The following ZBTB47 variants were observed in gnomAD, a reference collection of about 807,000 sequenced individuals.
ZBTB47 encodes the protein zinc finger and BTB domain containing 47.
Under a neutral mutation model 56.6 loss-of-function variants are expected in ZBTB47, and 24 were observed. The ratio of observed to expected loss-of-function variants is 0.42; its 90% CI spans 0.31 to 0.60. The LOEUF (loss-of-function observed/expected upper bound fraction) is 0.60. Among genes scored for constraint, ZBTB47 ranks in the 20% least tolerant of loss-of-function variants. ZBTB47 has a pLI of 0.14. For synonymous variants in ZBTB47, 414 were observed against 418.9 expected (o/e 0.99, Z 0.14); for missense variants, 829 against 1,032.6 (o/e 0.80, Z 2.70).
In ZBTB47 at chr3:42,659,723, T is replaced by C. The variant is rs781727920; in HGVS notation, c.1368T>C (p.Asn456=). The C allele has an allele frequency of 2.5e-6, 4 of 1,613,890 alleles. No homozygotes were observed. Among genetic ancestry groups the C allele is most frequent in the Admixed American group, 1.7e-5 (1 of 59,992 alleles). ...NNRWYLEKHM[N]VTHSRMQICD... ...GCTGGTACCTGGAGAAACACATGAA[T>C]GTGACCCACAGCCGCATGCAGATCT... is the stretch of plus-strand genomic sequence containing the variant. The change falls in exon 2 of 6, where the codon AAT becomes AAC. Residue 456 remains asparagine (N), a synonymous_variant. Coordinates refer to ENST00000232974, the MANE Select transcript of ZBTB47 (RefSeq NM_145166.4).
intron 2 of ZBTB47, among the ~76,000 whole-genome samples, chr3:42,660,779 GC>G (rs1427177062): frequency 6.6e-6 from 1 of 152,140 alleles, no homozygotes; most frequent in Non-Finnish European, 1.5e-5. Context: ...TAACTGCTGC[GC>G]ACCTGAGTCT....
chr3:42,664,746 C>G lies in ZBTB47; in HGVS notation c.*148C>G, dbSNP rs1260682071. ...GCTGGATGTACCCTGCCTGAGGCCC[C>G]GACGAGGAGGGGTATGCAGGCTGGC... On this transcript the variant is annotated 3_prime_UTR_variant, in exon 6 of 6. Coordinates refer to ENST00000232974, the MANE Select transcript of ZBTB47 (RefSeq NM_145166.4). 15 of 958,026 alleles carry G rather than the reference C, an allele frequency of 1.6e-5. No homozygotes were observed. Among genetic ancestry groups the G allele is most frequent in the Non-Finnish European group, 8.3e-6 (6 of 725,630 alleles). 59.3% of individuals were successfully genotyped at this position (958,026 alleles called of 1,614,324 possible). A position where few individuals can be genotyped will look rare whatever the true frequency, so the allele number is the denominator to read the frequency against.
intron 5 of ZBTB47, 89 bp from the exon 6 acceptor site, chr3:42,664,148 A>C: frequency 1.3e-6 from 2 of 1,546,912 alleles, no homozygotes; most frequent in Middle Eastern, 1.9e-4. Flanking sequence ...GCTGGGCCCC[A>C]CTATGGCTCC....
rs1000472013 is a variant in ZBTB47 at position 42,663,391 on chromosome 3, A to G, written c.1737+264A>G. 2.0e-5 allele frequency among the ~76,000 whole-genome samples: 3 copies of G among 151,984 alleles called. No homozygotes were observed. Among genetic ancestry groups the G allele is most frequent in the East Asian group, 1.9e-4 (1 of 5,174 alleles). ...GGAAGTGTGTGTGGGCTACAGCCCT[A>G]GGAGCAGGCTTTCTGGGGAGGCAGA... On this transcript the variant is annotated intron_variant, in intron 4 of 5. Coordinates refer to ENST00000232974, the MANE Select transcript of ZBTB47 (RefSeq NM_145166.4). This position sits in a 1 kb window ranked among gnomAD's most constrained non-coding sequence, Gnocchi z 5.1.
Position 42,658,361 on chromosome 3 carries a change from C to G in ZBTB47, c.6C>G (p.Gly2=). M[G]RLNEQRLFQP... ...CGCTGCACTTTGCCTGCTTGATGGG[C>G]CGCCTGAACGAGCAGCGCCTCTTCC... The change falls in exon 2 of 6, where the codon GGC becomes GGG. Residue 2 remains glycine, a synonymous_variant. Transcript: ENST00000232974. 1 of 1,532,152 alleles carries G rather than the reference C, an allele frequency of 6.5e-7. No individual in the cohort carries two copies. The highest frequency in any genetic ancestry group is 8.7e-7 in the Non-Finnish European group (1 of 1,143,850). The allele number at this position is 1,532,152 out of a possible 1,614,324, so 94.9% of individuals were successfully genotyped here.
In ZBTB47 at chr3:42,654,854, C is replaced by A. The variant is rs1710619107; in HGVS notation, c.-82+971C>A. ...TGCTGGGTCCCGCGGGCCGGGAATG[C>A]GGCGCTGTGGCGCTGCTCTCGGTGG... On this transcript the variant is annotated intron_variant, in intron 1 of 5. Coordinates refer to ENST00000232974, the MANE Select transcript of ZBTB47 (RefSeq NM_145166.4). This position sits in a 1 kb window ranked among gnomAD's most constrained non-coding sequence, Gnocchi z 5.0. 6.6e-6 allele frequency among the ~76,000 whole-genome samples: 1 copy of A among 151,978 alleles called. No homozygotes were observed. Among genetic ancestry groups the A allele is most frequent in the Non-Finnish European group, 1.5e-5 (1 of 67,962 alleles).
rs946757329 is a variant in ZBTB47, at chr3:42,654,322, T to C, written c.-82+439T>C. 1 of 112,518 alleles carries C rather than the reference T, an allele frequency of 8.9e-6. No homozygotes were observed. Among genetic ancestry groups the C allele is most frequent in the African/African-American group, 3.3e-5 (1 of 29,914 alleles). 7.0% of individuals were successfully genotyped at this position (112,518 alleles called of 1,614,324 possible). A position where few individuals can be genotyped will look rare whatever the true frequency, so the allele number is the denominator to read the frequency against. On this transcript the variant is annotated intron_variant, in intron 1 of 5. Coordinates refer to ENST00000232974, the MANE Select transcript of ZBTB47 (RefSeq NM_145166.4). The surrounding 1 kb of genome is among the most constrained non-coding windows in gnomAD (Gnocchi z 5.0). The stretch of plus-strand genomic sequence containing the variant: ...TGGGGGCTGGAGCTGGGGCTGGGGG[T>C]GGAGGGCAGCCTGCGGCAGGGCGGG...
Position 42,664,519 on chromosome 3 carries a change from C to T in ZBTB47, c.2165C>T (p.Pro722Leu), listed in dbSNP as rs992094482. 1 of 1,415,204 alleles carries T rather than the reference C, an allele frequency of 7.1e-7. No individual in the cohort carries two copies. Among genetic ancestry groups the T allele is most frequent in the Admixed American group, 3.2e-5 (1 of 31,310 alleles). 87.7% of individuals were successfully genotyped at this position (1,415,204 alleles called of 1,614,324 possible). Residue 722 changes from proline to leucine, a missense_variant, in exon 6 of 6, where the codon CCC becomes CTC. Coordinates refer to ENST00000232974, the MANE Select transcript of ZBTB47 (RefSeq NM_145166.4). Reference protein sequence around the residue: ...LLPGLPQTLPPPPHLPPPPPL... With the variant: ...LLPGLPQTLPLPPHLPPPPPL... ...CCGGGGCTGCCCCAGACCCTGCCGC[C>T]CCCGCCCCACCTGCCGCCCCCGCCT...
At chr3:42,655,380 G>A (rs1444653447) in intron 1 of ZBTB47, among the ~76,000 whole-genome samples, 1 of 152,182 alleles carries the variant, frequency 6.6e-6, no homozygotes, top group Non-Finnish European at 1.5e-5. Flanking sequence ...GAGGCTCTGA[G>A]GCAGGGTAGA....
rs1271214301 is a variant in ZBTB47, at chr3:42,659,846, G to A, written c.1473+18G>A. On this transcript the variant is annotated intron_variant, in intron 2 of 5. Coordinates refer to ENST00000232974, the MANE Select transcript of ZBTB47 (RefSeq NM_145166.4). ...ACATCCAGGTGGGCCTCACGTGGCT[G>A]GGGGCAGGGCAGAGGCTGTCCAGGT... The A allele has an allele frequency of 1.3e-6, 2 of 1,583,246 alleles. No homozygotes were observed. The highest frequency in any genetic ancestry group is 1.7e-6 in the Non-Finnish European group (2 of 1,163,360).
In ZBTB47 at chr3:42,661,535, T is replaced by C; in HGVS notation, c.1524T>C (p.His508=). 1 of 1,614,030 alleles carries C rather than the reference T, an allele frequency of 6.2e-7. No homozygotes were observed. Among genetic ancestry groups the C allele is most frequent in the Non-Finnish European group, 8.5e-7 (1 of 1,179,890 alleles). The part of the protein sequence containing the change: ...AFKKLWSLHE[H]NKIVHGYAEK... ...AGAAGCTTTGGTCCCTCCATGAGCA[T>C]AACAAGATTGTGCACGGCTACGCAG... The change falls in exon 3 of 6, where the codon CAT becomes CAC. Residue 508 remains histidine (H), a synonymous_variant. Transcript: ENST00000232974.
Position 42,664,845 on chromosome 3 carries a change from T to G in ZBTB47, c.*247T>G, listed in dbSNP as rs1428348186. 6 of 340,746 alleles carry G rather than the reference T, an allele frequency of 1.8e-5. No homozygotes were observed. In the South Asian group the frequency reaches 8.8e-4, roughly 50 times the overall value. The allele number at this position is 340,746 out of a possible 1,614,324, so 21.1% of individuals were successfully genotyped here. ...TCTGTGACTCCTTGAAGCCTTTACT[T>G]TTTTTTTTTTTTGGAAGTGAAGGAA... On this transcript the variant is annotated 3_prime_UTR_variant, in exon 6 of 6. Transcript: ENST00000232974.
chr3:42,663,323 T>A lies in ZBTB47; in HGVS notation c.1737+196T>A, dbSNP rs181067552. Among the ~76,000 whole-genome samples, 34 of 151,952 alleles carry A rather than the reference T, an allele frequency of 2.2e-4. No homozygotes were observed. Among genetic ancestry groups the A allele is most frequent in the African/African-American group, 7.7e-4 (32 of 41,484 alleles). ...CCTACTCTTCTCTGGCCCACTCCCA[T>A]CCTGCCCTTCCTTCCCCAACCCAGC... On this transcript the variant is annotated intron_variant, in intron 4 of 5. Transcript: ENST00000232974. This position sits in a 1 kb window ranked among gnomAD's most constrained non-coding sequence, Gnocchi z 5.1.
In ZBTB47 at chr3:42,667,550, A is replaced by T. The variant is rs549086583; in HGVS notation, c.*2952A>T. Among the ~76,000 whole-genome samples, 1 of 152,308 alleles carries T rather than the reference A, an allele frequency of 6.6e-6. No individual in the cohort carries two copies. Among genetic ancestry groups the T allele is most frequent in the Non-Finnish European group, 1.5e-5 (1 of 68,026 alleles). On this transcript the variant is annotated 3_prime_UTR_variant, in exon 6 of 6. Transcript: ENST00000232974. Reference sequence around the variant, plus strand: ...GCACAGCAGGCATGCGAGTGAGAGGATGAAGGGGAATAAAGTCAGTACAAC... The same window carrying T: ...GCACAGCAGGCATGCGAGTGAGAGGTTGAAGGGGAATAAAGTCAGTACAAC...
At position 42,658,712 on chromosome 3, in the gene ZBTB47, G is replaced by T; in HGVS notation, c.357G>T (p.Pro119=). 6.5e-7 allele frequency: 1 copy of T among 1,535,224 alleles called. No individual in the cohort carries two copies. Among genetic ancestry groups the T allele is most frequent in the South Asian group, 1.2e-5 (1 of 83,902 alleles). The change falls in exon 2 of 6, where the codon CCG becomes CCT. Residue 119 remains proline, a synonymous_variant. Coordinates refer to ENST00000232974, the MANE Select transcript of ZBTB47 (RefSeq NM_145166.4). The part of the protein sequence containing the change: ...LDARSLGPPG[P]GTVALAQPAA... ...CCCGCTCTCTAGGCCCACCAGGTCC[G>T]GGCACTGTGGCCCTGGCCCAGCCGG...
Position 42,656,936 on chromosome 3 carries a change from T to A in ZBTB47, c.-81-1339T>A, listed in dbSNP as rs1239979787. Among the ~76,000 whole-genome samples, 4 of 152,138 alleles carry A rather than the reference T, an allele frequency of 2.6e-5. No individual in the cohort carries two copies. The highest frequency in any genetic ancestry group is 9.7e-5 in the African/African-American group (4 of 41,434). The stretch of plus-strand genomic sequence containing the variant: ...GACAGCTATGGAGCTGATGGTTTTG[T>A]GGCCATCAAAATATTGTGGCAAGGT... On this transcript the variant is annotated intron_variant, in intron 1 of 5. Coordinates refer to ENST00000232974, the MANE Select transcript of ZBTB47 (RefSeq NM_145166.4). This position sits in a 1 kb window ranked among gnomAD's most constrained non-coding sequence, Gnocchi z 5.8.
intron 3 of ZBTB47, among the ~76,000 whole-genome samples, chr3:42,662,138 T>C (rs902236039): frequency 1.3e-5 from 2 of 152,142 alleles, no homozygotes; most frequent in African/African-American, 4.8e-5. Flanking sequence ...CAATTGTGTG[T>C]TTTGGCCACG....
chr3:42,662,905 G>A, intron 3 of ZBTB47, 107 bp from the exon 4 acceptor site: 1 of 752,060 alleles, frequency 1.3e-6, no homozygotes, highest in Non-Finnish European at 2.3e-6. Context: ...GCCAGCCCCA[G>A]AGAAGGGTGG....
At chr3:42,661,764 G>C (rs866615696) in intron 3 of ZBTB47, 132 bp downstream of exon 3, 1 of 1,298,468 alleles carries the variant, frequency 7.7e-7, no homozygotes, top group Non-Finnish European at 1.0e-6. Context: ...AGGAGGCCTG[G>C]GGAGGTTGGT....
Sources: allele counts gnomAD v4.1 joint callset (sites outside exome capture counted in the v4.1 genomes callset), GRCh38; gene constraint gnomAD v4.1.1; non-coding constraint Gnocchi (gnomAD v3.1); transcripts MANE v1.5; gene names NCBI Gene and HGNC (gene_info 2026-07-23, HGNC 2026-07-21).